Variants in DCAF8L2 observed in about 807,000 individuals in gnomAD.
DCAF8L2 encodes the protein DDB1- and CUL4-associated factor 8-like protein 2.
For synonymous variants in DCAF8L2, 200 were observed against 190.9 expected, an observed-to-expected ratio of 1.05 and a Z score of -0.39; for missense variants, 430 against 490.7, an observed-to-expected ratio of 0.88 and a Z score of 1.17.
the DCAF8L2 span, among the ~76,000 whole-genome samples, chrX:27,543,410 G>A: frequency 8.9e-6 from 1 of 111,800 alleles, no homozygotes; most frequent in Non-Finnish European, 1.9e-5. Context: ...TTGAAGTTGG[G>A]TAGCATGAGG....
the DCAF8L2 span, among the ~76,000 whole-genome samples, chrX:27,477,710 C>T: frequency 2.7e-5 from 3 of 111,606 alleles, no homozygotes; most frequent in Non-Finnish European, 3.8e-5. Context: ...ACCCATTTTG[C>T]CATCAAACCC....
At chrX:27,728,062 G>C (rs921033966) in intron 4 of DCAF8L2, among the ~76,000 whole-genome samples, 5 of 111,296 alleles carry the variant, frequency 4.5e-5, no homozygotes, top group Admixed American at 9.6e-5. Flanking sequence ...ACCTTACTTT[G>C]CATGTCTCAC....
At chrX:27,473,234 T>C in the DCAF8L2 span, among the ~76,000 whole-genome samples, 1 of 112,471 alleles carries the variant, frequency 8.9e-6, no homozygotes, top group African/African-American at 3.2e-5. Flanking sequence ...ATCTAACTGA[T>C]AACTTTGTTC....
chrX:27,606,031 A>G (rs1360837956), intron 1 of DCAF8L2, among the ~76,000 whole-genome samples: 2 of 106,756 alleles, frequency 1.9e-5, no homozygotes, highest in Non-Finnish European at 3.8e-5. Flanking sequence ...TAGATGAAGA[A>G]GAGTGGGTGT....
intron 3 of DCAF8L2, among the ~76,000 whole-genome samples, chrX:27,699,485 C>T (rs754413494): frequency 4.5e-5 from 5 of 111,501 alleles, no homozygotes; most frequent in African/African-American, 6.5e-5. Flanking sequence ...AAGTTTTGAG[C>T]ACTGACAGAA....
chrX:27,509,484 T>C, the DCAF8L2 span, among the ~76,000 whole-genome samples: 38 of 112,486 alleles, frequency 3.4e-4, no homozygotes, highest in Non-Finnish European at 6.4e-4. Flanking sequence ...GACTTATAAA[T>C]AGTGACTATA....
At chrX:27,527,814 G>C in the DCAF8L2 span, among the ~76,000 whole-genome samples, 1 of 108,625 alleles carries the variant, frequency 9.2e-6, no homozygotes, top group Non-Finnish European at 1.9e-5. Context: ...ACCATGCCTG[G>C]CTAATTTTTG....
At chrX:27,745,156 T>A (rs1021172112) in intron 4 of DCAF8L2, among the ~76,000 whole-genome samples, 5 of 112,091 alleles carry the variant, frequency 4.5e-5, no homozygotes, top group African/African-American at 1.6e-4. Flanking sequence ...ATAAAATGTA[T>A]ATGCCTAGCA....
At chrX:27,744,185 C>T (rs1321163590) in intron 4 of DCAF8L2, among the ~76,000 whole-genome samples, 3 of 111,438 alleles carry the variant, frequency 2.7e-5, no homozygotes, top group South Asian at 3.8e-4. Flanking sequence ...AGACTGTACA[C>T]GCAGCAATTC....
At chrX:27,572,964 A>G in the DCAF8L2 span, among the ~76,000 whole-genome samples, 2 of 111,388 alleles carry the variant, frequency 1.8e-5, no homozygotes, top group Non-Finnish European at 3.8e-5. Context: ...ATTGGGATCA[A>G]TCTTTCCCAG....
chrX:27,746,081 G>T (rs769538029), intron 4 of DCAF8L2, among the ~76,000 whole-genome samples: 13 of 111,812 alleles, frequency 1.2e-4, no homozygotes, highest in African/African-American at 4.2e-4. Flanking sequence ...TTGATCAGTT[G>T]ATTTCAGCCT....
chrX:27,548,871 A>G, the DCAF8L2 span, among the ~76,000 whole-genome samples: 1 of 112,146 alleles, frequency 8.9e-6, no homozygotes, highest in Non-Finnish European at 1.9e-5. Flanking sequence ...GCCCCAGAGA[A>G]GAAAAACAGT....
At chrX:27,609,132 C>T (rs1328717032) in intron 1 of DCAF8L2, among the ~76,000 whole-genome samples, 1 of 111,752 alleles carries the variant, frequency 8.9e-6, no homozygotes, top group Admixed American at 9.6e-5. Flanking sequence ...TATCTTGTAT[C>T]TTTTTCACAA....
At chrX:27,527,355 T>C in the DCAF8L2 span, among the ~76,000 whole-genome samples, 1 of 112,165 alleles carries the variant, frequency 8.9e-6, no homozygotes, top group African/African-American at 3.2e-5. Flanking sequence ...TGGTGTGCTG[T>C]TTGCTAAGAC....
intron 3 of DCAF8L2, among the ~76,000 whole-genome samples, chrX:27,705,173 T>C (rs1931301148): frequency 9.0e-6 from 1 of 111,618 alleles, no homozygotes; most frequent in East Asian, 2.8e-4. Context: ...CCATGGTGTA[T>C]ATATACCAAT....
At chrX:27,730,826 A>G (rs1921150937) in intron 4 of DCAF8L2, among the ~76,000 whole-genome samples, 1 of 111,476 alleles carries the variant, frequency 9.0e-6, no homozygotes, top group Non-Finnish European at 1.9e-5. Context: ...ATATATCACA[A>G]TGCTGGCAAA....
chrX:27,642,106 G>T (rs1278006614), intron 2 of DCAF8L2, among the ~76,000 whole-genome samples: 2 of 108,037 alleles, frequency 1.9e-5, no homozygotes, highest in Non-Finnish European at 3.8e-5. Flanking sequence ...TGTTAGCCAG[G>T]ATGGTCTCAA....
At chrX:27,550,928 T>C in the DCAF8L2 span, among the ~76,000 whole-genome samples, 1 of 111,419 alleles carries the variant, frequency 9.0e-6, no homozygotes, top group Non-Finnish European at 1.9e-5. Context: ...TGTCACATTT[T>C]GGTAATTCTT....
the DCAF8L2 span, among the ~76,000 whole-genome samples, chrX:27,470,507 G>A: frequency 3.6e-5 from 4 of 112,041 alleles, no homozygotes; most frequent in Non-Finnish European, 7.5e-5. Flanking sequence ...CGTTGATGCC[G>A]GCCATATACT....
Sources: gnomAD v4.1 joint callset for allele counts (sites outside exome capture counted in the v4.1 genomes callset) on GRCh38, gnomAD v4.1.1 for gene constraint, MANE v1.5 for transcripts, NCBI Gene and HGNC (gene_info 2026-07-23, HGNC 2026-07-21) for gene names.